LTK: variants seen among roughly 807,000 people sequenced by gnomAD.
LTK encodes the protein leukocyte tyrosine kinase receptor.
Under a neutral mutation model 101.5 loss-of-function variants are expected in LTK, and 117 were observed. That is an observed-to-expected ratio of 1.15 (90% CI 0.99 to 1.34). LTK has a LOEUF of 1.34. Ranked by LOEUF, LTK falls within the 40% of genes most tolerant of loss-of-function variation. The pLI is 0.00. For synonymous variants in LTK, 563 were observed against 494.2 expected, an observed-to-expected ratio of 1.14 and a Z score of -1.85; for missense variants, 1,252 against 1,164.7, an observed-to-expected ratio of 1.07 and a Z score of -1.09.
chr15:41,511,720 A>G lies in LTK; in HGVS notation c.657+97T>C. 4.9e-6 allele frequency: 7 copies of G among 1,433,402 alleles called. No individual in the cohort carries two copies. Among genetic ancestry groups the G allele is most frequent in the Non-Finnish European group, 6.3e-6 (7 of 1,102,620 alleles). 88.8% of individuals were successfully genotyped at this position (1,433,402 alleles called of 1,614,324 possible). ...CAGGCCAGCCCAGCCCAGCGCAGGG[A>G]TAGGGGGACCCCAAGGGACGGACGG... On this transcript the variant is annotated intron_variant, in intron 5 of 19. Coordinates refer to ENST00000263800, the MANE Select transcript of LTK (RefSeq NM_002344.6). This position sits in a 1 kb window ranked among gnomAD's most constrained non-coding sequence, Gnocchi z 5.9.
chr15:41,505,375 T>TG (rs35233496), intron 14 of LTK, 26 bp downstream of exon 14: 553,695 of 1,612,254 alleles, frequency 0.34, 104,370 homozygotes, highest in East Asian at 0.85. Flanking sequence ...TAGAGGGGCC[T>TG]GGGGGGGCTA....
At position 41,511,061 on chromosome 15, in the gene LTK, CCT is replaced by C; in HGVS notation, c.997+101_997+102del. The C allele has an allele frequency of 7.9e-7, 1 of 1,265,772 alleles. No homozygotes were observed. Among genetic ancestry groups the C allele is most frequent in the Non-Finnish European group, 1.0e-6 (1 of 1,001,240 alleles). The allele number at this position is 1,265,772 out of a possible 1,614,324, so 78.4% of individuals were successfully genotyped here. On this transcript the variant is annotated intron_variant, in intron 7 of 19. Transcript: ENST00000263800. The surrounding 1 kb of genome is among the most constrained non-coding windows in gnomAD (Gnocchi z 5.9). The stretch of plus-strand genomic sequence containing the variant: ...TGGAGCTGCTGAGCAGGGCTTAATG[CCT>C]CTCCCACACCTATCCTCCCGAGGGC...
Position 41,503,876 on chromosome 15 carries a change from G to T in LTK, c.*120C>A. ...CCAGGCCAGCCCCGAGACAGGCCCA[G>T]ACACACAGCACAGACTGCAGGGAAC... On this transcript the variant is annotated 3_prime_UTR_variant, in exon 20 of 20. Transcript: ENST00000263800. The T allele has an allele frequency of 1.6e-6, 2 of 1,216,748 alleles. No individual in the cohort carries two copies. The highest frequency in any genetic ancestry group is 1.1e-6 in the Non-Finnish European group (1 of 890,278). The allele number at this position is 1,216,748 out of a possible 1,614,324, so 75.4% of individuals were successfully genotyped here.
At position 41,505,259 on chromosome 15, in the gene LTK, T is replaced by G; in HGVS notation, c.1874A>C (p.Gln625Pro). Residue 625 changes from glutamine (Q) to proline (P), a missense_variant, in exon 15 of 20, where the codon CAG becomes CCG. Transcript: ENST00000263800. ...LVMRDLLQLAQDIAQGCHYLE... is the reference protein window; with the variant it reads ...LVMRDLLQLAPDIAQGCHYLE... ...GTAGTGGCAGCCCTGGGCTATGTCCTGGGCCAGTTGCAGCAGGTCCCGCAT... is the reference window on the plus strand; with the variant it reads ...GTAGTGGCAGCCCTGGGCTATGTCCGGGGCCAGTTGCAGCAGGTCCCGCAT... The G allele has an allele frequency of 6.2e-7, 1 of 1,614,062 alleles. No individual in the cohort carries two copies. Among genetic ancestry groups the G allele is most frequent in the Non-Finnish European group, 8.5e-7 (1 of 1,180,006 alleles).
chr15:41,510,350 C>A (rs900906758), intron 7 of LTK, among the ~76,000 whole-genome samples: 1 of 152,042 alleles, frequency 6.6e-6, no homozygotes, highest in Non-Finnish European at 1.5e-5. Context: ...ACTACAGTCA[C>A]CATGTAGTAC....
At chr15:41,505,141 T>G in intron 15 of LTK, 67 bp downstream of exon 15, 1 of 1,584,308 alleles carries the variant, frequency 6.3e-7, no homozygotes, top group Non-Finnish European at 8.6e-7. Flanking sequence ...TTAAAAGCTG[T>G]GTGGAAGGGC....
chr15:41,508,142 C>T lies in LTK; in HGVS notation c.1176G>A (p.Gln392=), dbSNP rs1323396321. 8.1e-6 allele frequency: 13 copies of T among 1,613,568 alleles called. No individual in the cohort carries two copies. The highest frequency in any genetic ancestry group is 1.0e-5 in the Non-Finnish European group (12 of 1,179,776). Residue 392 remains glutamine, a synonymous_variant, in exon 9 of 20, where the codon CAG becomes CAA. Coordinates refer to ENST00000263800, the MANE Select transcript of LTK (RefSeq NM_002344.6). ...SHCPLRDCQW[Q]AELQLAECLC... ...GGCATTCAGCCAGCTGGAGCTCTGC[C>T]TGCCATTGGCAGTCTCTCAAAGGGC... is the stretch of plus-strand genomic sequence containing the variant.
At chr15:41,513,456 T>C (rs1038841030) in intron 1 of LTK, among the ~76,000 whole-genome samples, 5 of 152,214 alleles carry the variant, frequency 3.3e-5, no homozygotes, top group African/African-American at 9.6e-5. Flanking sequence ...AGAATGTTCC[T>C]CCTTCCCAAG....
At position 41,511,968 on chromosome 15, in the gene LTK, G is replaced by T; in HGVS notation, c.511-5C>A. ...GAGCTGGCTCTCCGGGCTACCCTGC[G>T]GGCAGCGGGGGAGGGAATCGGCGGG... On this transcript the variant is annotated splice_region_variant and splice_polypyrimidine_tract_variant and intron_variant, in intron 4 of 19. Coordinates refer to ENST00000263800, the MANE Select transcript of LTK (RefSeq NM_002344.6). This position sits in a 1 kb window ranked among gnomAD's most constrained non-coding sequence, Gnocchi z 5.9. 1 of 1,470,390 alleles carries T rather than the reference G, an allele frequency of 6.8e-7. No individual in the cohort carries two copies. The highest frequency in any genetic ancestry group is 8.9e-7 in the Non-Finnish European group (1 of 1,121,946). The allele number at this position is 1,470,390 out of a possible 1,614,324, so 91.1% of individuals were successfully genotyped here. A position where few individuals can be genotyped will look rare whatever the true frequency, so the allele number is the denominator to read the frequency against.
chr15:41,508,262 T>C, intron 8 of LTK, 41 bp from the exon 9 acceptor site: 1 of 1,561,148 alleles, frequency 6.4e-7, no homozygotes, highest in Non-Finnish European at 8.7e-7. Flanking sequence ...GTGGTAGGGC[T>C]GGGATATAGT....
chr15:41,505,560 C>A (rs773803158), intron 13 of LTK, 30 bp from the exon 14 acceptor site: 3 of 1,612,892 alleles, frequency 1.9e-6, no homozygotes, highest in African/African-American at 1.3e-5. Context: ...TATCCCGTTA[C>A]CAGGAGGGAG....
At chr15:41,508,992 A>G in intron 8 of LTK, 39 bp downstream of exon 8, 1 of 1,421,688 alleles carries the variant, frequency 7.0e-7, no homozygotes, top group Non-Finnish European at 9.7e-7. Context: ...CTGCGGAAGA[A>G]GTCCAGGCCA....
chr15:41,505,116 TC>T, intron 15 of LTK, 52 bp from the exon 16 acceptor site: 1 of 1,585,858 alleles, frequency 6.3e-7, no homozygotes. Flanking sequence ...TTCTTGCTCT[TC>T]CTGATCTATT....
Position 41,506,020 on chromosome 15 carries a change from G to T in LTK, c.1542-15C>A. On this transcript the variant is annotated splice_polypyrimidine_tract_variant and intron_variant, in intron 11 of 19. Coordinates refer to ENST00000263800, the MANE Select transcript of LTK (RefSeq NM_002344.6). ...GGCCCAGGGCTCTGCAGGAAGACAC[G>T]TTGGAAGGGAGTGGGCAGGCGGCCT... is the stretch of plus-strand genomic sequence containing the variant. 1.3e-6 allele frequency: 2 copies of T among 1,592,930 alleles called. No individual in the cohort carries two copies. The highest frequency in any genetic ancestry group is 1.7e-6 in the Non-Finnish European group (2 of 1,161,040).
At position 41,507,557 on chromosome 15, in the gene LTK, C is replaced by G. The variant is rs201279114; in HGVS notation, c.1345+5G>C. 351 of 1,613,252 alleles carry G rather than the reference C, an allele frequency of 2.2e-4. No homozygotes were observed. The highest frequency in any genetic ancestry group is 2.8e-4 in the Non-Finnish European group (335 of 1,179,802). Reference sequence around the variant, plus strand: ...AATCAACTGTGCCTGCTAGACGCTTCGTACCCAGAATCAGGACCCCACACA... The same window carrying G: ...AATCAACTGTGCCTGCTAGACGCTTGGTACCCAGAATCAGGACCCCACACA... On this transcript the variant is annotated splice_donor_5th_base_variant and intron_variant, in intron 10 of 19. Transcript: ENST00000263800.
Position 41,512,795 on chromosome 15 carries a change from C to T in LTK, c.271G>A (p.Ala91Thr). The T allele has an allele frequency of 6.2e-7, 1 of 1,612,366 alleles. No homozygotes were observed. The highest frequency in any genetic ancestry group is 1.7e-4 in the Middle Eastern group (1 of 6,034). Residue 91 changes from alanine (A) to threonine (T), a missense_variant, in exon 3 of 20, where the codon GCG (alanine) becomes ACG (threonine). Physicochemically the swap from Ala to Thr is moderately conservative, Grantham distance 58. Coordinates refer to ENST00000263800, the MANE Select transcript of LTK (RefSeq NM_002344.6). ...ACGGTCACCACCACGCTGGTCCCCG[C>T]GTACGCCCCGTCACATTGTGTCTGT... ...PTQTQCDGAY[A>T]GTSVVVTVGA... is the part of the protein sequence containing the mutation.
chr15:41,513,820 G>T lies in LTK; in HGVS notation c.-111C>A. ...GGCAGCCCTGGCCACCACTTACAGG[G>T]GTGTGCTGCCGCTGGCGAGACACTC... On this transcript the variant is annotated 5_prime_UTR_variant, in exon 1 of 20. Transcript: ENST00000263800. 1 of 958,604 alleles carries T rather than the reference G, an allele frequency of 1.0e-6. No individual in the cohort carries two copies. Among genetic ancestry groups the T allele is most frequent in the South Asian group, 1.3e-5 (1 of 75,626 alleles). 59.4% of individuals were successfully genotyped at this position (958,604 alleles called of 1,614,324 possible). A position where few individuals can be genotyped will look rare whatever the true frequency, so the allele number is the denominator to read the frequency against.
rs1287661014 is a variant in LTK, at chr15:41,511,450, G to C, written c.786C>G (p.Pro262=). 7.1e-7 allele frequency: 1 copy of C among 1,408,954 alleles called. No homozygotes were observed. Among genetic ancestry groups the C allele is most frequent in the Non-Finnish European group, 9.2e-7 (1 of 1,086,952 alleles). 87.3% of individuals were successfully genotyped at this position (1,408,954 alleles called of 1,614,324 possible). A position where few individuals can be genotyped will look rare whatever the true frequency, so the allele number is the denominator to read the frequency against. ...CCGCCCCGCCTCTCCCGCCGCTCCC[G>C]GGCGCCTCCGAGCGGTTCTCCAGTT... ...PEKLENRSEA[P]GSGGRGGAAG... The change falls in exon 6 of 20, where the codon CCC becomes CCG. Residue 262 remains proline (P), a synonymous_variant. Transcript: ENST00000263800. The surrounding 1 kb of genome is among the most constrained non-coding windows in gnomAD (Gnocchi z 5.9).
Position 41,512,277 on chromosome 15 carries a change from G to A in LTK, c.360-12C>T, listed in dbSNP as rs2051506716. The A allele has an allele frequency of 6.2e-7, 1 of 1,609,002 alleles. No individual in the cohort carries two copies. The highest frequency in any genetic ancestry group is 8.5e-7 in the Non-Finnish European group (1 of 1,177,530). On this transcript the variant is annotated splice_polypyrimidine_tract_variant and intron_variant, in intron 3 of 19. Coordinates refer to ENST00000263800, the MANE Select transcript of LTK (RefSeq NM_002344.6). The stretch of plus-strand genomic sequence containing the variant: ...CGTAGGCTGAGATCCTGCGGGGAAC[G>A]GACGGTGAGTCCCCGGCCTTCGGTG...
Sources: gnomAD v4.1 joint callset for allele counts (sites outside exome capture counted in the v4.1 genomes callset) on GRCh38, gnomAD v4.1.1 for gene constraint, Gnocchi (gnomAD v3.1) non-coding constraint, MANE v1.5 for transcripts, NCBI Gene and HGNC (gene_info 2026-07-23, HGNC 2026-07-21) for gene names.